ANO10: variants seen among roughly 807,000 people sequenced by gnomAD.
ANO10 encodes anoctamin-10.
In ANO10, 77 loss-of-function variants were observed where a neutral mutation model predicts 74.7. The ratio of observed to expected loss-of-function variants is 1.03; its 90% CI spans 0.86 to 1.25. The LOEUF (loss-of-function observed/expected upper bound fraction) is 1.25. ANO10 is among the 50% of genes most tolerant of loss of function. ANO10 has a pLI of 0.00. For missense variants in ANO10, 721 were observed against 778.1 expected, an observed-to-expected ratio of 0.93 and a Z score of 0.87; for synonymous variants, 279 against 284.9, an observed-to-expected ratio of 0.98 and a Z score of 0.21.
intron 11 of ANO10, among the ~76,000 whole-genome samples, chr3:43,466,384 A>AAAAT (rs559287557): frequency 5.0e-4 from 19 of 37,998 alleles, no homozygotes; most frequent in Non-Finnish European, 1.6e-3. Context: ...AAAAAAAAAA[A>AAAAT]AAACAAACAA....
At chr3:43,656,660 G>A (rs533258845) in intron 1 of ANO10, among the ~76,000 whole-genome samples, 1 of 152,228 alleles carries the variant, frequency 6.6e-6, no homozygotes, top group Admixed American at 6.5e-5. Context: ...CTCCGCAGCC[G>A]CTGGCCCGGA....
At chr3:43,593,798 TAA>T (rs1313679715) in intron 4 of ANO10, among the ~76,000 whole-genome samples, 1 of 152,124 alleles carries the variant, frequency 6.6e-6, no homozygotes, top group African/African-American at 2.4e-5. Flanking sequence ...ATGCTCCAAT[TAA>T]AAGACACAGA....
At chr3:43,396,169 AC>A (rs2092377394) in intron 12 of ANO10, among the ~76,000 whole-genome samples, 1 of 151,738 alleles carries the variant, frequency 6.6e-6, no homozygotes, top group Non-Finnish European at 1.5e-5. Context: ...TGTTCCTTAT[AC>A]CAAGGGGAAA....
intron 12 of ANO10, among the ~76,000 whole-genome samples, chr3:43,387,270 T>C (rs899840548): frequency 2.0e-5 from 3 of 152,208 alleles, no homozygotes; most frequent in Admixed American, 6.5e-5. Flanking sequence ...ACCACCATCA[T>C]ATATGTGGTC....
intron 1 of ANO10, among the ~76,000 whole-genome samples, chr3:43,651,009 C>A (rs1181768920): frequency 3.3e-5 from 5 of 152,130 alleles, no homozygotes; most frequent in African/African-American, 1.2e-4. Context: ...TTATTTCTTG[C>A]CCTCTCGTGT....
At chr3:43,511,307 T>C (rs2149182245) in intron 11 of ANO10, among the ~76,000 whole-genome samples, 1 of 152,300 alleles carries the variant, frequency 6.6e-6, no homozygotes, top group East Asian at 1.9e-4. Context: ...ATATAGTCCA[T>C]ATATCAATGT....
At chr3:43,488,075 T>A (rs1051100416) in intron 11 of ANO10, among the ~76,000 whole-genome samples, 1 of 152,004 alleles carries the variant, frequency 6.6e-6, no homozygotes, top group African/African-American at 2.4e-5. Context: ...GGGAAAGGAT[T>A]CCCTATTTAA....
In ANO10 at chr3:43,366,909, G is replaced by A. The variant is rs1415354027; in HGVS notation, c.1980C>T (p.Thr660=). The A allele has an allele frequency of 1.3e-6, 2 of 1,589,836 alleles. No individual in the cohort carries two copies. The highest frequency in any genetic ancestry group is 1.8e-5 in the Admixed American group (1 of 56,334). ...EPMESGKEKA[T] is the part of the protein sequence containing the mutation. Reference sequence around the variant, plus strand: ...GGCAGCTGGGCACGCTGGGCACTCAGGTTGCCTTCTCCTTCCCGCTTTCCA... The same window carrying A: ...GGCAGCTGGGCACGCTGGGCACTCAAGTTGCCTTCTCCTTCCCGCTTTCCA... Residue 660 remains threonine, a synonymous_variant, in exon 13 of 13, where the codon ACC becomes ACT. Transcript: ENST00000292246.
intron 1 of ANO10, among the ~76,000 whole-genome samples, chr3:43,662,392 G>A (rs572975733): frequency 3.1e-4 from 47 of 152,280 alleles, no homozygotes; most frequent in African/African-American, 9.6e-4. Flanking sequence ...GAATCTCTGG[G>A]ACACATTTAA....
intron 11 of ANO10, among the ~76,000 whole-genome samples, chr3:43,474,198 G>C (rs2075975527): frequency 6.6e-6 from 1 of 152,122 alleles, no homozygotes; most frequent in South Asian, 2.1e-4. Context: ...CTTGCTGCAA[G>C]TTTCAGTACT....
At chr3:43,594,067 T>C (rs899221155) in intron 4 of ANO10, among the ~76,000 whole-genome samples, 18 of 152,212 alleles carry the variant, frequency 1.2e-4, no homozygotes, top group Non-Finnish European at 2.1e-4. Context: ...CTAACTATCC[T>C]AAATATATAT....
chr3:43,449,207 G>T (rs1323483181), intron 11 of ANO10, among the ~76,000 whole-genome samples: 2 of 151,736 alleles, frequency 1.3e-5, no homozygotes, highest in Non-Finnish European at 1.5e-5. Context: ...AGTTTCAAGA[G>T]TTTTTTTTGT....
intron 12 of ANO10, among the ~76,000 whole-genome samples, chr3:43,423,969 C>T (rs1320335577): frequency 3.3e-5 from 5 of 152,166 alleles, no homozygotes; most frequent in Non-Finnish European, 5.9e-5. Context: ...TCTGATGTTA[C>T]GGTACCATTT....
chr3:43,522,840 T>C (rs1347366918), intron 11 of ANO10, among the ~76,000 whole-genome samples: 2 of 152,200 alleles, frequency 1.3e-5, no homozygotes, highest in Non-Finnish European at 2.9e-5. Flanking sequence ...GGCATAGCAC[T>C]GCCACAGCTA....
chr3:43,687,042 A>ACCCT (rs2084284839), intron 1 of ANO10, among the ~76,000 whole-genome samples: 1 of 150,200 alleles, frequency 6.7e-6, no homozygotes, highest in Admixed American at 6.6e-5. Flanking sequence ...CAGCTGATTG[A>ACCCT]TGTTCAGGCC....
chr3:43,590,259 ATAC>A (rs2081668569), intron 4 of ANO10, among the ~76,000 whole-genome samples: 1 of 152,228 alleles, frequency 6.6e-6, no homozygotes, highest in Non-Finnish European at 1.5e-5. Context: ...GCTAGAATAA[ATAC>A]TACATCTTAC....
intron 1 of ANO10, among the ~76,000 whole-genome samples, chr3:43,647,726 C>T (rs1160552110): frequency 6.6e-6 from 1 of 152,090 alleles, no homozygotes; most frequent in East Asian, 1.9e-4. Flanking sequence ...TCAGCCATAT[C>T]CCCATGGGCT....
chr3:43,423,118 GAAA>G (rs36014128), intron 12 of ANO10, among the ~76,000 whole-genome samples: 1 of 137,508 alleles, frequency 7.3e-6, no homozygotes, highest in Non-Finnish European at 1.6e-5. Flanking sequence ...ATTTTTTTTG[GAAA>G]AAAAAAAAAA....
chr3:43,421,440 A>G (rs138174274), intron 12 of ANO10, among the ~76,000 whole-genome samples: 194 of 152,264 alleles, frequency 1.3e-3, no homozygotes, highest in African/African-American at 4.5e-3. Flanking sequence ...CAGGAAGATC[A>G]TTTGAGCCTG....
Sources: gnomAD v4.1 joint callset for allele counts (sites outside exome capture counted in the v4.1 genomes callset) on GRCh38, gnomAD v4.1.1 for gene constraint, MANE v1.5 for transcripts, NCBI Gene and HGNC (gene_info 2026-07-23, HGNC 2026-07-21) for gene names.